The following NXN variants were observed in gnomAD, a reference collection of about 807,000 sequenced individuals.
The protein encoded by NXN is nucleoredoxin, also known as nucleoredoxin 1.
NXN carries 16 observed loss-of-function variants against 48.6 expected under a neutral mutation model. The observed-to-expected ratio is 0.33, with a 90% CI of 0.22 to 0.50. NXN has a LOEUF of 0.50. Ranked by LOEUF, NXN falls within the 20% of genes least tolerant of loss-of-function variation. The pLI, the probability that NXN is intolerant of heterozygous loss-of-function variation, is 0.98. For missense variants in NXN, 492 were observed against 605.5 expected (o/e 0.81, Z 1.97); for synonymous variants, 281 against 269.6 (o/e 1.04, Z -0.41).
At chr17:804,793 G>A (rs559561756) in intron 6 of NXN, among the ~76,000 whole-genome samples, 13 of 152,332 alleles carry the variant, frequency 8.5e-5, no homozygotes, top group East Asian at 5.8e-4. Context: ...ATGGGTCTGC[G>A]CATGGGGGCC....
intron 1 of NXN, among the ~76,000 whole-genome samples, chr17:943,108 C>A (rs917142839): frequency 2.0e-5 from 3 of 152,262 alleles, no homozygotes; most frequent in Non-Finnish European, 2.9e-5. Context: ...CCCTTCCCTG[C>A]ACCAACATAC....
Position 852,743 on chromosome 17 carries a change from A to T in NXN, c.361-26665T>A, listed in dbSNP as rs111314341. 6.4e-3 allele frequency among the ~76,000 whole-genome samples: 976 copies of T among 152,284 alleles called. 15 individuals carry two copies. Among genetic ancestry groups the T allele is most frequent in the African/African-American group, 0.023 (943 of 41,562 alleles). Reference sequence around the variant, plus strand: ...CACGGTTGGGATTATGCGTATGCCAAGCCTAACCGTCCTGTCCTTACAAAG... The same window carrying T: ...CACGGTTGGGATTATGCGTATGCCATGCCTAACCGTCCTGTCCTTACAAAG... On this transcript the variant is annotated intron_variant, in intron 1 of 7. Coordinates refer to ENST00000336868, the MANE Select transcript of NXN (RefSeq NM_022463.5).
rs1195594634 is a variant in NXN at position 894,668 on chromosome 17, G to C, written c.361-68590C>G. On this transcript the variant is annotated intron_variant, in intron 1 of 7. Transcript: ENST00000336868. The stretch of plus-strand genomic sequence containing the variant: ...CTCAGCACCCTGGAAGCCAGAGGAA[G>C]CATCTCAATGCCCAGAACCTGGGGG... Among the ~76,000 whole-genome samples, 3 of 152,162 alleles carry C rather than the reference G, an allele frequency of 2.0e-5. No homozygotes were observed. In the East Asian group the frequency reaches 5.8e-4, roughly 29 times the overall value.
At chr17:925,618 AC>A (rs1371274245) in intron 1 of NXN, among the ~76,000 whole-genome samples, 2 of 152,074 alleles carry the variant, frequency 1.3e-5, no homozygotes, top group Non-Finnish European at 2.9e-5. Context: ...TGAACTCCTG[AC>A]CTCAGGTGAT....
intron 5 of NXN, among the ~76,000 whole-genome samples, chr17:805,756 C>T (rs566447496): frequency 3.3e-5 from 5 of 152,082 alleles, no homozygotes; most frequent in East Asian, 1.9e-4. Flanking sequence ...GAGAATCGCT[C>T]GAACTCGGGA....
chr17:852,075 C>T (rs750402721), intron 1 of NXN, among the ~76,000 whole-genome samples: 5 of 152,224 alleles, frequency 3.3e-5, no homozygotes, highest in Non-Finnish European at 7.3e-5. Flanking sequence ...CCTGTGCCAA[C>T]GGAGGCAGCA....
chr17:835,522 G>T (rs966755800), intron 1 of NXN, among the ~76,000 whole-genome samples: 5 of 152,168 alleles, frequency 3.3e-5, no homozygotes, highest in Admixed American at 1.3e-4. Flanking sequence ...CCTGGCAGTG[G>T]GTTCTGCTGA....
intron 1 of NXN, among the ~76,000 whole-genome samples, chr17:896,444 T>A (rs986726990): frequency 1.9e-4 from 29 of 151,942 alleles, no homozygotes; most frequent in African/African-American, 6.8e-4. Flanking sequence ...GAGTTTGAGA[T>A]TACAGTGAGC....
At chr17:811,672 C>T (rs923997073) in intron 5 of NXN, among the ~76,000 whole-genome samples, 4 of 152,136 alleles carry the variant, frequency 2.6e-5, no homozygotes, top group African/African-American at 7.2e-5. Flanking sequence ...AGCCTGTCAG[C>T]GGCAGTGGGA....
At chr17:856,202 A>G (rs1369830648) in intron 1 of NXN, among the ~76,000 whole-genome samples, 2 of 152,114 alleles carry the variant, frequency 1.3e-5, no homozygotes, top group Non-Finnish European at 1.5e-5. Flanking sequence ...AAAAAAAAAA[A>G]AGAGGGTCTG....
chr17:887,777 C>G (rs2068364938), intron 1 of NXN, among the ~76,000 whole-genome samples: 1 of 149,116 alleles, frequency 6.7e-6, no homozygotes, highest in Non-Finnish European at 1.5e-5. Context: ...TTCTACATGC[C>G]TTTTCCACCT....
intron 2 of NXN, among the ~76,000 whole-genome samples, chr17:824,633 A>C (rs570700829): frequency 7.2e-5 from 11 of 152,226 alleles, no homozygotes; most frequent in African/African-American, 2.2e-4. Flanking sequence ...AGAGATTCTG[A>C]TTCTATTGCT....
intron 1 of NXN, among the ~76,000 whole-genome samples, chr17:833,425 C>G (rs1291989334): frequency 6.6e-6 from 1 of 152,112 alleles, no homozygotes; most frequent in East Asian, 1.9e-4. Flanking sequence ...TTCACTTACG[C>G]AGCCCGGAAA....
chr17:861,657 G>A (rs1174271558), intron 1 of NXN, among the ~76,000 whole-genome samples: 1 of 152,068 alleles, frequency 6.6e-6, no homozygotes, highest in Non-Finnish European at 1.5e-5. Context: ...CACGATGCTG[G>A]GAACATGTTA....
intron 1 of NXN, among the ~76,000 whole-genome samples, chr17:896,508 A>C (rs924607855): frequency 6.6e-6 from 1 of 152,226 alleles, no homozygotes. Context: ...CCTGTGTCTA[A>C]AACACAAGAA....
intron 1 of NXN, among the ~76,000 whole-genome samples, chr17:833,637 A>C (rs1204935585): frequency 1.3e-5 from 2 of 152,164 alleles, no homozygotes; most frequent in African/African-American, 2.4e-5. Context: ...TACAGCAAAA[A>C]GTCAGTGTAT....
chr17:888,355 A>C (rs1436034368), intron 1 of NXN, among the ~76,000 whole-genome samples: 3 of 152,134 alleles, frequency 2.0e-5, no homozygotes, highest in Non-Finnish European at 4.4e-5. Context: ...AGTAGCAGGG[A>C]CCACAGGCAT....
chr17:971,983 T>C (rs1248651730), intron 1 of NXN, among the ~76,000 whole-genome samples: 6 of 151,884 alleles, frequency 4.0e-5, no homozygotes, highest in East Asian at 1.9e-4. Flanking sequence ...CTGGCCAACA[T>C]GGTGAAACCC....
intron 1 of NXN, among the ~76,000 whole-genome samples, chr17:853,975 C>T (rs1364784329): frequency 6.6e-6 from 1 of 151,998 alleles, no homozygotes; most frequent in East Asian, 1.9e-4. Context: ...CCACCTCGGC[C>T]TCCCAAAGTG....
Sources: allele counts gnomAD v4.1 joint callset (sites outside exome capture counted in the v4.1 genomes callset), GRCh38; gene constraint gnomAD v4.1.1; transcripts MANE v1.5; gene names NCBI Gene and HGNC (gene_info 2026-07-23, HGNC 2026-07-21).